NIPBL: variants seen among roughly 807,000 people sequenced by gnomAD.
NIPBL encodes nipped-B-like protein.
NIPBL carries 19 observed loss-of-function variants against 321.8 expected under a neutral mutation model. That is an observed-to-expected ratio of 0.06 (90% confidence interval 0.04 to 0.09). The LOEUF is 0.09. Among genes scored for constraint, NIPBL ranks in the 10% least tolerant of loss-of-function variants. The pLI, the probability that NIPBL is intolerant of heterozygous loss-of-function variation, is 1.00. For missense variants in NIPBL, 2,210 were observed against 3,327.0 expected (o/e 0.66, Z 8.26); for synonymous variants, 1,106 against 1,114.1 (o/e 0.99, Z 0.14).
At chr5:36,934,685 AT>A (rs1410781470) in intron 1 of NIPBL, among the ~76,000 whole-genome samples, 2 of 152,314 alleles carry the variant, frequency 1.3e-5, no homozygotes, top group East Asian at 3.9e-4. Flanking sequence ...ACATTCATAC[AT>A]TGGTACTGTA....
chr5:37,014,186 G>C (rs1196233042), intron 21 of NIPBL, among the ~76,000 whole-genome samples: 7 of 151,894 alleles, frequency 4.6e-5, no homozygotes, highest in Non-Finnish European at 1.0e-4. Context: ...CGGCATCAGA[G>C]GGAGACCGTG....
At position 37,038,767 on chromosome 5, in the gene NIPBL, T is replaced by G. The variant is rs774302748; in HGVS notation, c.6108+29T>G. The stretch of plus-strand genomic sequence containing the variant: ...AGTATAGAGCTGTCTTATTCTTGTA[T>G]CTTACATAAAACATTAAGTGCTTTA... On this transcript the variant is annotated intron_variant, in intron 34 of 46. Transcript: ENST00000282516. 1.9e-6 allele frequency: 3 copies of G among 1,607,740 alleles called. No individual in the cohort carries two copies. In the South Asian group the frequency reaches 3.3e-5, roughly 18 times the overall value.
intron 6 of NIPBL, among the ~76,000 whole-genome samples, chr5:36,964,213 C>G (rs751780868): frequency 6.6e-6 from 1 of 152,006 alleles, no homozygotes; most frequent in East Asian, 1.9e-4. Flanking sequence ...TCAACGTAAT[C>G]CCTATCAAAA....
chr5:36,992,710 TTTTA>T (rs70976270), intron 10 of NIPBL, among the ~76,000 whole-genome samples: 33,284 of 137,462 alleles, frequency 0.24, 4,264 homozygotes, highest in East Asian at 0.34. Context: ...AAGTCATGCA[TTTTA>T]TTTATTTATT....
At chr5:37,015,119 T>G (rs1748783293) in intron 22 of NIPBL, among the ~76,000 whole-genome samples, 1 of 151,956 alleles carries the variant, frequency 6.6e-6, no homozygotes, top group South Asian at 2.1e-4. Flanking sequence ...AGCCTCCATA[T>G]GAATTTTTTT....
intron 44 of NIPBL, 80 bp from the exon 45 acceptor site, chr5:37,060,764 G>A: frequency 8.4e-7 from 1 of 1,197,196 alleles, no homozygotes; most frequent in Non-Finnish European, 1.2e-6. Context: ...TTAATATGGT[G>A]CTTCCTACCT....
chr5:36,967,386 A>G (rs947657225), intron 6 of NIPBL, among the ~76,000 whole-genome samples: 6 of 152,168 alleles, frequency 3.9e-5, no homozygotes, highest in African/African-American at 1.4e-4. Context: ...TCCAAAATCT[A>G]CCTCCCTTAA....
At chr5:36,885,854 G>A (rs368165787) in intron 1 of NIPBL, 10 of 711,760 alleles carry the variant, frequency 1.4e-5, no homozygotes, top group East Asian at 1.3e-4. Flanking sequence ...GGAGAACCAC[G>A]AAGAGGAAGT....
Position 36,976,147 on chromosome 5 carries a change from C to T in NIPBL, c.1240C>T (p.Leu414=), listed in dbSNP as rs1395471331. The change falls in exon 9 of 47, where the codon CTA becomes TTA. Residue 414 remains leucine (L), a synonymous_variant. Transcript: ENST00000282516. The part of the protein sequence containing the change: ...PITPQDINRP[L]NAAQCLSQQE... The stretch of plus-strand genomic sequence containing the variant: ...TACTCCACAAGATATAAACCGCCCA[C>T]TAAATGCTGCTCAATGTTTGTCGCA... The T allele has an allele frequency of 6.2e-7, 1 of 1,613,524 alleles. No individual in the cohort carries two copies. The highest frequency in any genetic ancestry group is 1.7e-5 in the Admixed American group (1 of 59,962).
intron 34 of NIPBL, among the ~76,000 whole-genome samples, chr5:37,043,563 G>A (rs1013732327): frequency 2.0e-5 from 3 of 151,666 alleles, no homozygotes; most frequent in African/African-American, 7.3e-5. Flanking sequence ...TTAACCGGGT[G>A]TGGTATTATG....
intron 1 of NIPBL, among the ~76,000 whole-genome samples, chr5:36,950,925 C>T (rs1034929179): frequency 9.9e-5 from 15 of 152,146 alleles, no homozygotes; most frequent in Non-Finnish European, 7.4e-5. Context: ...TTATTAAAAG[C>T]TGTGACTTTA....
At chr5:36,979,976 A>T (rs554077021) in intron 9 of NIPBL, among the ~76,000 whole-genome samples, 1 of 151,714 alleles carries the variant, frequency 6.6e-6, no homozygotes, top group Non-Finnish European at 1.5e-5. Context: ...TTTTTAAGTG[A>T]ATTTTAATAG....
rs539016169 is a variant in NIPBL, at chr5:37,015,271, G to A, written c.4643+506G>A. On this transcript the variant is annotated intron_variant, in intron 22 of 46. Coordinates refer to ENST00000282516, the MANE Select transcript of NIPBL (RefSeq NM_133433.4). Reference sequence around the variant, plus strand: ...CCCAAGTAGCCGGGATTACAGGCATGCACCACCATGGCCAGCTAATTTTTG... The same window carrying A: ...CCCAAGTAGCCGGGATTACAGGCATACACCACCATGGCCAGCTAATTTTTG... 2.6e-5 allele frequency among the ~76,000 whole-genome samples: 4 copies of A among 152,184 alleles called. No individual in the cohort carries two copies. The East Asian group carries it at 5.9e-4, about 22-fold the overall frequency.
intron 1 of NIPBL, among the ~76,000 whole-genome samples, chr5:36,891,456 G>A (rs1746327865): frequency 6.6e-6 from 1 of 152,158 alleles, no homozygotes; most frequent in African/African-American, 2.4e-5. Flanking sequence ...GGCGCAGTAA[G>A]TCAGGAGCCC....
chr5:37,052,229 G>A, intron 41 of NIPBL, 137 bp from the exon 42 acceptor site: 1 of 720,440 alleles, frequency 1.4e-6, no homozygotes, highest in Non-Finnish European at 2.4e-6. Flanking sequence ...GTTCCTTCTA[G>A]CACTTCATTC....
chr5:36,904,710 C>T (rs2149538126), intron 1 of NIPBL, among the ~76,000 whole-genome samples: 1 of 152,264 alleles, frequency 6.6e-6, no homozygotes, highest in Middle Eastern at 3.4e-3. Context: ...AGCTTAATCA[C>T]TTGGCTCTTG....
chr5:37,055,670 G>A (rs1754014724), intron 42 of NIPBL, among the ~76,000 whole-genome samples: 1 of 151,988 alleles, frequency 6.6e-6, no homozygotes, highest in Non-Finnish European at 1.5e-5. Flanking sequence ...GTAGAATGGT[G>A]AACTTCGTGG....
intron 1 of NIPBL, among the ~76,000 whole-genome samples, chr5:36,911,836 G>A (rs1748074326): frequency 6.6e-6 from 1 of 152,100 alleles, no homozygotes; most frequent in Non-Finnish European, 1.5e-5. Flanking sequence ...ACTGAAATTA[G>A]GAAAGCAATG....
chr5:37,029,467 A>G (rs1410484475), intron 32 of NIPBL, among the ~76,000 whole-genome samples: 8 of 152,090 alleles, frequency 5.3e-5, no homozygotes, highest in African/African-American at 1.7e-4. Context: ...ATCATTCACC[A>G]TTTTGTGGAC....
Sources: allele counts gnomAD v4.1 joint callset (sites outside exome capture counted in the v4.1 genomes callset), GRCh38; gene constraint gnomAD v4.1.1; transcripts MANE v1.5; gene names NCBI Gene and HGNC (gene_info 2026-07-23, HGNC 2026-07-21).